Variants in DCLK3 observed in about 807,000 individuals in gnomAD.
DCLK3 encodes doublecortin like kinase 3.
In DCLK3, 30 loss-of-function variants were observed where a neutral mutation model predicts 46.4. That is an observed-to-expected ratio of 0.65 (90% CI 0.48 to 0.88). The LOEUF (loss-of-function observed/expected upper bound fraction) is 0.88. DCLK3 is among the 40% of genes least tolerant of loss of function. The probability of loss-of-function intolerance (pLI) is 0.00; values close to 1 mark genes in which losing one functional copy is unlikely to be tolerated. For missense variants in DCLK3, 846 were observed against 907.1 expected (o/e 0.93, Z 0.87); for synonymous variants, 401 against 339.2 (o/e 1.18, Z -2.00).
intron 1 of DCLK3, among the ~76,000 whole-genome samples, chr3:36,761,919 A>G (rs1701543860): frequency 6.6e-6 from 1 of 152,192 alleles, no homozygotes; most frequent in Non-Finnish European, 1.5e-5. Flanking sequence ...GGCTTGTCCA[A>G]AGAAAACCAA....
At chr3:36,739,629 C>T (rs143104946) in intron 1 of DCLK3, among the ~76,000 whole-genome samples, 2 of 152,284 alleles carry the variant, frequency 1.3e-5, no homozygotes, top group African/African-American at 4.8e-5. Context: ...GTGAGGCTTC[C>T]CCAGCCACGT....
chr3:36,724,536 A>C (rs1701101819), intron 2 of DCLK3, among the ~76,000 whole-genome samples: 3 of 152,100 alleles, frequency 2.0e-5, no homozygotes, highest in Admixed American at 2.0e-4. Flanking sequence ...AGTAGGAGGT[A>C]ATTGAATTAT....
At position 36,745,407 on chromosome 3, in the gene DCLK3, C is replaced by T. The variant is rs186280279; in HGVS notation, c.83-6323G>A. Among the ~76,000 whole-genome samples the T allele has an allele frequency of 6.0e-4, 91 of 152,222 alleles. 1 individual carries two copies. The Middle Eastern group carries it at 0.014, about 23-fold the overall frequency. ...AAATTGCTATAGGACTCAAGTAATACATACTTTCTCTATAAACATTTACAA... is the reference window on the plus strand; with the variant it reads ...AAATTGCTATAGGACTCAAGTAATATATACTTTCTCTATAAACATTTACAA... On this transcript the variant is annotated intron_variant, in intron 1 of 4. Coordinates refer to ENST00000636136, the MANE Select transcript of DCLK3 (RefSeq NM_001394672.2).
At chr3:36,751,653 T>A (rs1351989214) in intron 1 of DCLK3, among the ~76,000 whole-genome samples, 2 of 152,256 alleles carry the variant, frequency 1.3e-5, no homozygotes, top group Non-Finnish European at 2.9e-5. Flanking sequence ...TTTTAGCTTC[T>A]GCAGGAGTTG....
chr3:36,721,892 T>C (rs571326336), intron 2 of DCLK3, among the ~76,000 whole-genome samples: 1 of 152,328 alleles, frequency 6.6e-6, no homozygotes, highest in African/African-American at 2.4e-5. Context: ...TAGCACCATA[T>C]TGTCACAAGT....
At chr3:36,721,888 C>G (rs964509756) in intron 2 of DCLK3, among the ~76,000 whole-genome samples, 1 of 152,124 alleles carries the variant, frequency 6.6e-6, no homozygotes, top group Non-Finnish European at 1.5e-5. Flanking sequence ...ATGGTAGCAC[C>G]ATATTGTCAC....
intron 2 of DCLK3, among the ~76,000 whole-genome samples, chr3:36,729,216 C>A (rs1472919696): frequency 1.4e-5 from 2 of 142,980 alleles, no homozygotes; most frequent in South Asian, 2.3e-4. Context: ...CTGAGAAAAC[C>A]TTTCAGGGTT....
chr3:36,732,439 G>A (rs13059217), intron 2 of DCLK3, among the ~76,000 whole-genome samples: 6,514 of 152,234 alleles, frequency 0.043, 201 homozygotes, highest in Non-Finnish European at 0.063. Context: ...TGGATACTGA[G>A]AGCCTGTCTT....
intron 3 of DCLK3, among the ~76,000 whole-genome samples, chr3:36,720,806 C>A (rs1442631454): frequency 2.0e-5 from 3 of 152,132 alleles, no homozygotes; most frequent in African/African-American, 7.2e-5. Flanking sequence ...CATCCCTGGC[C>A]ATCTCCTCAT....
intron 1 of DCLK3, among the ~76,000 whole-genome samples, chr3:36,758,028 T>C (rs1221643989): frequency 6.6e-6 from 1 of 151,904 alleles, no homozygotes; most frequent in Non-Finnish European, 1.5e-5. Context: ...CCTTCCTCTC[T>C]CCCCCTCAGC....
intron 2 of DCLK3, among the ~76,000 whole-genome samples, chr3:36,726,168 G>A (rs927143962): frequency 2.0e-5 from 3 of 151,804 alleles, no homozygotes; most frequent in Admixed American, 2.0e-4. Context: ...CATCGGTGCC[G>A]CCTGCCATTA....
In DCLK3 at chr3:36,737,721, G is replaced by A. The variant is rs746774868; in HGVS notation, c.1446C>T (p.Leu482=). The part of the protein sequence containing the change: ...PCMSGGRRMT[L]RDDQPAKLEK... ...CTAGCTTTGCAGGTTGGTCATCTCT[G>A]AGAGTCATCCTTCTGCCTCCAGACA... The change falls in exon 2 of 5, where the codon CTC becomes CTT. Residue 482 remains leucine, a synonymous_variant. Transcript: ENST00000636136. This position sits in a 1 kb window ranked among gnomAD's most constrained non-coding sequence, Gnocchi z 4.4. 2.5e-6 allele frequency: 4 copies of A among 1,614,112 alleles called. No individual in the cohort carries two copies. Among genetic ancestry groups the A allele is most frequent in the Middle Eastern group, 1.7e-4 (1 of 6,060 alleles).
chr3:36,730,911 GC>G (rs1701191261), intron 2 of DCLK3, among the ~76,000 whole-genome samples: 1 of 152,020 alleles, frequency 6.6e-6, no homozygotes, highest in African/African-American at 2.4e-5. Context: ...AGGCCGAGGG[GC>G]ATGCATGGTT....
chr3:36,742,521 A>G (rs909275611), intron 1 of DCLK3, among the ~76,000 whole-genome samples: 4 of 152,208 alleles, frequency 2.6e-5, no homozygotes, highest in African/African-American at 9.6e-5. Context: ...CTGCCTGGGC[A>G]TTCACAAGCT....
intron 1 of DCLK3, among the ~76,000 whole-genome samples, chr3:36,756,349 G>A (rs574164956): frequency 7.2e-5 from 11 of 152,338 alleles, no homozygotes; most frequent in Admixed American, 7.2e-4. Flanking sequence ...CTGGGTGTGT[G>A]CACCAGATGG....
At chr3:36,732,572 T>TGACC (rs1426672986) in intron 2 of DCLK3, among the ~76,000 whole-genome samples, 1 of 152,196 alleles carries the variant, frequency 6.6e-6, no homozygotes, top group African/African-American at 2.4e-5. Flanking sequence ...AATTGGCCAA[T>TGACC]GACCTAAAGA....
intron 2 of DCLK3, among the ~76,000 whole-genome samples, chr3:36,723,411 C>A (rs1701085953): frequency 6.6e-6 from 1 of 152,156 alleles, no homozygotes; most frequent in Admixed American, 6.5e-5. Flanking sequence ...AGAAATTTGC[C>A]TAAGTAATGA....
intron 1 of DCLK3, among the ~76,000 whole-genome samples, chr3:36,741,655 G>A (rs1022165215): frequency 2.6e-5 from 4 of 152,172 alleles, no homozygotes; most frequent in African/African-American, 9.7e-5. Flanking sequence ...CCATGACATA[G>A]GGCTGGACCA....
At chr3:36,751,190 G>C (rs1559394298) in intron 1 of DCLK3, among the ~76,000 whole-genome samples, 2 of 151,802 alleles carry the variant, frequency 1.3e-5, no homozygotes, top group East Asian at 1.9e-4. Flanking sequence ...ACTGGGTTTG[G>C]TTTTCCCCTA....
Sources: gnomAD v4.1 joint callset for allele counts (sites outside exome capture counted in the v4.1 genomes callset) on GRCh38, gnomAD v4.1.1 for gene constraint, Gnocchi (gnomAD v3.1) non-coding constraint, MANE v1.5 for transcripts, NCBI Gene and HGNC (gene_info 2026-07-23, HGNC 2026-07-21) for gene names.